The following BTBD9 variants were observed in gnomAD, a reference collection of about 807,000 sequenced individuals.
BTBD9 encodes the protein BTB/POZ domain-containing protein 9.
BTBD9 carries 49 observed loss-of-function variants against 64.3 expected under a neutral mutation model. The ratio of observed to expected loss-of-function variants is 0.76; its 90% CI spans 0.61 to 0.97. BTBD9 has a LOEUF of 0.97. Among genes scored for constraint, BTBD9 ranks in the 50% least tolerant of loss-of-function variants. The probability of loss-of-function intolerance (pLI) is 0.00; values close to 1 mark genes in which losing one functional copy is unlikely to be tolerated. For missense variants in BTBD9, 598 were observed against 762.1 expected (o/e 0.78, Z 2.53); for synonymous variants, 260 against 274.7 (o/e 0.95, Z 0.53).
chr6:38,628,750 G>A (rs923840742), intron 1 of BTBD9, among the ~76,000 whole-genome samples: 2 of 152,092 alleles, frequency 1.3e-5, no homozygotes, highest in Non-Finnish European at 2.9e-5. Context: ...ACACGCACAT[G>A]CAACCCATAA....
chr6:38,197,932 G>A (rs1487965606), intron 9 of BTBD9, among the ~76,000 whole-genome samples: 1 of 152,232 alleles, frequency 6.6e-6, no homozygotes, highest in Non-Finnish European at 1.5e-5. Context: ...ATTCTTGACA[G>A]TGATTGTTCG....
intron 8 of BTBD9, among the ~76,000 whole-genome samples, chr6:38,275,509 A>G (rs1450274973): frequency 7.9e-5 from 12 of 151,302 alleles, no homozygotes; most frequent in South Asian, 2.1e-4. Flanking sequence ...GGATCTAATT[A>G]AACTAAAGAG....
intron 1 of BTBD9, among the ~76,000 whole-genome samples, chr6:38,624,372 C>T (rs1311663744): frequency 6.6e-6 from 1 of 152,256 alleles, no homozygotes; most frequent in East Asian, 1.9e-4. Flanking sequence ...CTACCACTCA[C>T]TCTTTGGGTC....
At chr6:38,511,808 T>C (rs1457964630) in intron 6 of BTBD9, among the ~76,000 whole-genome samples, 4 of 152,256 alleles carry the variant, frequency 2.6e-5, no homozygotes, top group South Asian at 4.1e-4. Context: ...TTTGCTTGCA[T>C]AGATGACAGG....
At chr6:38,581,212 A>G (rs981390413) in intron 4 of BTBD9, among the ~76,000 whole-genome samples, 2 of 152,208 alleles carry the variant, frequency 1.3e-5, no homozygotes, top group African/African-American at 4.8e-5. Context: ...AAAATCTACT[A>G]AACAAAAATA....
intron 6 of BTBD9, among the ~76,000 whole-genome samples, chr6:38,405,251 C>T (rs938403826): frequency 2.0e-5 from 3 of 151,922 alleles, no homozygotes; most frequent in East Asian, 1.9e-4. Flanking sequence ...GTGTATCACT[C>T]GCTTTGAACC....
At chr6:38,345,892 C>T (rs1332285193) in intron 6 of BTBD9, among the ~76,000 whole-genome samples, 2 of 152,230 alleles carry the variant, frequency 1.3e-5, no homozygotes, top group East Asian at 3.8e-4. Context: ...TTGCTCTCTT[C>T]ACTCTCCAAA....
At chr6:38,522,147 C>A (rs955340533) in intron 6 of BTBD9, among the ~76,000 whole-genome samples, 2 of 152,304 alleles carry the variant, frequency 1.3e-5, no homozygotes, top group Middle Eastern at 6.8e-3. Flanking sequence ...CAGCTCCTTG[C>A]CAGTTCATTC....
In BTBD9 at chr6:38,292,152, C is replaced by T. The variant is rs189687352; in HGVS notation, c.1265-3691G>A. Among the ~76,000 whole-genome samples, 49 of 151,790 alleles carry T rather than the reference C, an allele frequency of 3.2e-4. 1 individual carries two copies. The East Asian group carries it at 8.5e-3, about 26-fold the overall frequency. On this transcript the variant is annotated intron_variant, in intron 7 of 10. Transcript: ENST00000481247. ...AATTTTTTTGTATTTTTAGTAGACACGGGGTTTCACCTTGTTGGTCAGGTT... is the reference window on the plus strand; with the variant it reads ...AATTTTTTTGTATTTTTAGTAGACATGGGGTTTCACCTTGTTGGTCAGGTT...
intron 6 of BTBD9, among the ~76,000 whole-genome samples, chr6:38,450,568 G>A (rs1413019183): frequency 2.6e-5 from 4 of 152,024 alleles, no homozygotes; most frequent in African/African-American, 9.7e-5. Context: ...AAAAAAAGAA[G>A]ATGATGACAA....
intron 7 of BTBD9, among the ~76,000 whole-genome samples, chr6:38,293,837 A>C (rs1762056817): frequency 6.6e-6 from 1 of 152,208 alleles, no homozygotes; most frequent in South Asian, 2.1e-4. Context: ...AATTGAACTA[A>C]AGAGCTTCTG....
intron 8 of BTBD9, among the ~76,000 whole-genome samples, chr6:38,280,502 G>C: frequency 6.6e-6 from 1 of 152,130 alleles, no homozygotes; most frequent in Non-Finnish European, 1.5e-5. Context: ...AGAATTATAA[G>C]CAATCTTAAT....
At chr6:38,584,000 T>G (rs992207082) in intron 4 of BTBD9, among the ~76,000 whole-genome samples, 2 of 152,052 alleles carry the variant, frequency 1.3e-5, no homozygotes, top group Non-Finnish European at 2.9e-5. Flanking sequence ...TATATCTGTC[T>G]ATCAGTAGAG....
At chr6:38,562,566 T>C (rs1485278095) in intron 6 of BTBD9, among the ~76,000 whole-genome samples, 2 of 152,252 alleles carry the variant, frequency 1.3e-5, no homozygotes, top group Non-Finnish European at 2.9e-5. Context: ...GTTTGGTGTG[T>C]ATCCTTCCAC....
intron 1 of BTBD9, among the ~76,000 whole-genome samples, chr6:38,615,306 T>C (rs1777746948): frequency 6.6e-6 from 1 of 152,358 alleles, no homozygotes; most frequent in South Asian, 2.1e-4. Context: ...TTACATGCCA[T>C]TTCTCCACAT....
At chr6:38,574,114 C>A (rs1309544354) in intron 6 of BTBD9, among the ~76,000 whole-genome samples, 1 of 152,164 alleles carries the variant, frequency 6.6e-6, no homozygotes, top group Non-Finnish European at 1.5e-5. Flanking sequence ...ATAGAGCAAT[C>A]CCCACTTAAC....
chr6:38,287,477 T>C (rs1002345703), intron 8 of BTBD9, among the ~76,000 whole-genome samples: 1 of 152,138 alleles, frequency 6.6e-6, no homozygotes, highest in Non-Finnish European at 1.5e-5. Context: ...ATATTTTTCT[T>C]GTACGTTTTC....
intron 9 of BTBD9, among the ~76,000 whole-genome samples, chr6:38,248,873 T>C (rs1434966514): frequency 6.6e-6 from 1 of 152,202 alleles, no homozygotes; most frequent in Non-Finnish European, 1.5e-5. Flanking sequence ...GAAATATTAC[T>C]CATTTATAAA....
chr6:38,419,378 G>T (rs536856488), intron 6 of BTBD9, among the ~76,000 whole-genome samples: 6 of 152,230 alleles, frequency 3.9e-5, no homozygotes, highest in Admixed American at 1.3e-4. Context: ...GAGTTGTATG[G>T]TATATAAACG....
Sources: allele counts gnomAD v4.1 joint callset (sites outside exome capture counted in the v4.1 genomes callset), GRCh38; gene constraint gnomAD v4.1.1; transcripts MANE v1.5; gene names NCBI Gene and HGNC (gene_info 2026-07-23, HGNC 2026-07-21).